PCGF6: variants seen among roughly 807,000 people sequenced by gnomAD.
PCGF6 encodes the protein polycomb group ring finger 6, also known as polycomb group RING finger protein 6.
A neutral mutation model predicts 45.5 loss-of-function variants in PCGF6; 24 were observed. The ratio of observed to expected loss-of-function variants is 0.53; its 90% confidence interval spans 0.38 to 0.74. The LOEUF is 0.74. Ranked by LOEUF, PCGF6 falls within the 30% of genes least tolerant of loss-of-function variation. The pLI is 0.00. For missense variants in PCGF6, 356 were observed against 443.2 expected, an observed-to-expected ratio of 0.80 and a Z score of 1.77; for synonymous variants, 152 against 162.1, an observed-to-expected ratio of 0.94 and a Z score of 0.47.
chr10:103,310,549 G>C (rs1170184989), intron 9 of PCGF6, among the ~76,000 whole-genome samples: 1 of 152,006 alleles, frequency 6.6e-6, no homozygotes, highest in African/African-American at 2.4e-5. Flanking sequence ...CCAAGGAACT[G>C]TATAATTTGC....
intron 1 of PCGF6, among the ~76,000 whole-genome samples, chr10:103,349,425 G>C (rs930409658): frequency 3.3e-5 from 5 of 149,820 alleles, no homozygotes; most frequent in Admixed American, 1.3e-4. Context: ...CCCATTAAAA[G>C]ACTACTGAAA....
intron 8 of PCGF6, among the ~76,000 whole-genome samples, chr10:103,324,831 C>CTA (rs2093211458): frequency 6.8e-6 from 1 of 146,732 alleles, no homozygotes; most frequent in Non-Finnish European, 1.5e-5. Flanking sequence ...TCTTTTAATC[C>CTA]ATAAAAAAAA....
intron 8 of PCGF6, among the ~76,000 whole-genome samples, chr10:103,322,896 CAA>C (rs1177739851): frequency 6.9e-6 from 1 of 145,386 alleles, no homozygotes; most frequent in Non-Finnish European, 1.5e-5. Context: ...AAACAAAAAA[CAA>C]AAAACAAAAA....
chr10:103,309,599 A>G (rs922212426), intron 9 of PCGF6, among the ~76,000 whole-genome samples: 1 of 152,186 alleles, frequency 6.6e-6, no homozygotes, highest in African/African-American at 2.4e-5. Context: ...GAATGGACTA[A>G]TACAGTATGT....
At chr10:103,320,365 A>C (rs1414988844) in intron 8 of PCGF6, among the ~76,000 whole-genome samples, 1 of 152,130 alleles carries the variant, frequency 6.6e-6, no homozygotes, top group Non-Finnish European at 1.5e-5. Flanking sequence ...TTGATCTCTA[A>C]ATTTTAAATG....
At position 103,303,839 on chromosome 10, in the gene PCGF6, T is replaced by A. The variant is rs937581837; in HGVS notation, c.*66A>T. The A allele has an allele frequency of 1.5e-6, 2 of 1,363,994 alleles. No individual in the cohort carries two copies. Among genetic ancestry groups the A allele is most frequent in the African/African-American group, 2.9e-5 (2 of 68,752 alleles). 84.5% of individuals were successfully genotyped at this position (1,363,994 alleles called of 1,614,324 possible). ...TGGTAGCAATTACATTTCATGGAAA[T>A]CTTTGGTGAGATGCAGTCCTGCAGA... On this transcript the variant is annotated 3_prime_UTR_variant, in exon 10 of 10. Transcript: ENST00000369847.
chr10:103,341,868 G>T (rs908510111), intron 6 of PCGF6, among the ~76,000 whole-genome samples: 2 of 151,996 alleles, frequency 1.3e-5, no homozygotes, highest in African/African-American at 4.8e-5. Flanking sequence ...AAACACAATG[G>T]CAAGTAAGAC....
intron 9 of PCGF6, among the ~76,000 whole-genome samples, chr10:103,311,037 A>C (rs2093155561): frequency 6.6e-6 from 1 of 152,110 alleles, no homozygotes; most frequent in Non-Finnish European, 1.5e-5. Flanking sequence ...GACTCGCTAT[A>C]CTGCCCAGGC....
At chr10:103,341,101 C>T (rs930933989) in intron 6 of PCGF6, among the ~76,000 whole-genome samples, 1 of 151,594 alleles carries the variant, frequency 6.6e-6, no homozygotes, top group East Asian at 2.0e-4. Flanking sequence ...TGGTGGCTGG[C>T]ACCTGTAACC....
At chr10:103,339,810 AACACACAC>A (rs201660003) in intron 6 of PCGF6, among the ~76,000 whole-genome samples, 3,281 of 31,938 alleles carry the variant, frequency 0.1, 157 homozygotes, top group African/African-American at 0.15. Context: ...TCAAAAAAAA[AACACACAC>A]ACACACACAC....
intron 5 of PCGF6, among the ~76,000 whole-genome samples, chr10:103,346,672 G>A (rs1314245390): frequency 6.6e-6 from 1 of 152,092 alleles, no homozygotes; most frequent in Admixed American, 6.6e-5. Context: ...GCGTGTGCCT[G>A]TAATCTCAGC....
At chr10:103,304,858 T>C (rs2093132525) in intron 9 of PCGF6, among the ~76,000 whole-genome samples, 1 of 152,084 alleles carries the variant, frequency 6.6e-6, no homozygotes, top group South Asian at 2.1e-4. Flanking sequence ...TTTCACCGTA[T>C]TGCATAGGCT....
chr10:103,340,971 T>C (rs1450279315), intron 6 of PCGF6, among the ~76,000 whole-genome samples: 1 of 152,058 alleles, frequency 6.6e-6, no homozygotes, highest in Admixed American at 6.6e-5. Flanking sequence ...GGCTCACGCC[T>C]GTAATCCCAA....
intron 8 of PCGF6, among the ~76,000 whole-genome samples, chr10:103,320,455 G>A (rs901944306): frequency 9.2e-5 from 14 of 152,148 alleles, no homozygotes; most frequent in African/African-American, 3.1e-4. Flanking sequence ...GGGAGGCCGA[G>A]GTGGGCAGAT....
At chr10:103,328,221 A>G (rs536605467) in intron 7 of PCGF6, among the ~76,000 whole-genome samples, 4 of 152,264 alleles carry the variant, frequency 2.6e-5, no homozygotes, top group Admixed American at 2.6e-4. Context: ...TTTTTTTAGG[A>G]CTTACAGACT....
At chr10:103,304,206 A>T (rs1404986667) in intron 9 of PCGF6, among the ~76,000 whole-genome samples, 2 of 143,034 alleles carry the variant, frequency 1.4e-5, no homozygotes, top group African/African-American at 2.6e-5. Flanking sequence ...GTGCAATCTC[A>T]GCTCACTGCA....
rs537378325 is a variant in PCGF6, at chr10:103,319,926, T to A, written c.910-5654A>T. Among the ~76,000 whole-genome samples the A allele has an allele frequency of 7.2e-5, 11 of 152,226 alleles. No individual in the cohort carries two copies. The South Asian group carries it at 2.3e-3, about 32-fold the overall frequency. Reference sequence around the variant, plus strand: ...ATTCATGTGATTCTCCTGCCTCATCTTCCCGAGTAGCTGGGACTATACAGG... The same window carrying A: ...ATTCATGTGATTCTCCTGCCTCATCATCCCGAGTAGCTGGGACTATACAGG... On this transcript the variant is annotated intron_variant, in intron 8 of 9. Coordinates refer to ENST00000369847, the MANE Select transcript of PCGF6 (RefSeq NM_001011663.2).
chr10:103,343,284 C>T (rs1165628997), intron 6 of PCGF6, among the ~76,000 whole-genome samples: 3 of 151,350 alleles, frequency 2.0e-5, no homozygotes, highest in Non-Finnish European at 4.4e-5. Flanking sequence ...GAGATAAATA[C>T]AATAAAGCAC....
intron 6 of PCGF6, among the ~76,000 whole-genome samples, chr10:103,337,556 C>G (rs2093261656): frequency 1.3e-5 from 2 of 152,194 alleles, no homozygotes; most frequent in South Asian, 4.1e-4. Context: ...ACATACCATA[C>G]TGTCTGTCTT....
Sources: gnomAD v4.1 joint callset for allele counts (sites outside exome capture counted in the v4.1 genomes callset) on GRCh38, gnomAD v4.1.1 for gene constraint, MANE v1.5 for transcripts, NCBI Gene and HGNC (gene_info 2026-07-23, HGNC 2026-07-21) for gene names.